UGT1A7: variants seen among roughly 807,000 people sequenced by gnomAD.
UGT1A7 encodes UDP-glucuronosyltransferase 1A7.
In UGT1A7, 33 loss-of-function variants were observed where a neutral mutation model predicts 45.6. That is an observed-to-expected ratio of 0.72 (90% confidence interval 0.55 to 0.97). The LOEUF (loss-of-function observed/expected upper bound fraction) is 0.97. UGT1A7 is among the 50% of genes least tolerant of loss of function. The pLI is 0.00. For synonymous variants in UGT1A7, 274 were observed against 250.6 expected, an observed-to-expected ratio of 1.09 and a Z score of -0.88; for missense variants, 684 against 666.2, an observed-to-expected ratio of 1.03 and a Z score of -0.29.
chr2:233,737,988 G>A (rs1334321954), intron 1 of UGT1A7, among the ~76,000 whole-genome samples: 1 of 152,024 alleles, frequency 6.6e-6, no homozygotes, highest in African/African-American at 2.4e-5. Context: ...GTTTGGCTCT[G>A]TGTCCCCCAC....
intron 1 of UGT1A7, among the ~76,000 whole-genome samples, chr2:233,735,969 A>C (rs1327406953): frequency 2.0e-5 from 3 of 152,092 alleles, no homozygotes; most frequent in Admixed American, 2.0e-4. Context: ...AACTTTGGTG[A>C]ATCTGACAAT....
chr2:233,725,392 C>A (rs1422562370), intron 1 of UGT1A7, among the ~76,000 whole-genome samples: 1 of 151,006 alleles, frequency 6.6e-6, no homozygotes, highest in African/African-American at 2.4e-5. Flanking sequence ...TAATAGGTTA[C>A]CTTGATGGTC....
chr2:233,733,686 T>A (rs1338920576), intron 1 of UGT1A7, among the ~76,000 whole-genome samples: 1 of 152,244 alleles, frequency 6.6e-6, no homozygotes, highest in African/African-American at 2.4e-5. Context: ...AACTTTTTGA[T>A]GTGCTGCTGG....
At chr2:233,745,164 A>G (rs2125868449) in intron 1 of UGT1A7, among the ~76,000 whole-genome samples, 1 of 151,968 alleles carries the variant, frequency 6.6e-6, no homozygotes, top group South Asian at 2.1e-4. Context: ...TCAAATGTGC[A>G]TGTTATTCAC....
chr2:233,743,852 G>C (rs770873874), intron 1 of UGT1A7: 2 of 1,367,108 alleles, frequency 1.5e-6, no homozygotes, highest in East Asian at 9.1e-5. Context: ...CTTGCGGTAC[G>C]CCTTCTTGAT....
chr2:233,743,217 C>A, intron 1 of UGT1A7: 2 of 409,784 alleles, frequency 4.9e-6, no homozygotes, highest in Non-Finnish European at 9.6e-6. Context: ...AGTAACTGCT[C>A]TTTGCTATTT....
At chr2:233,747,557 A>G (rs1485247055) in intron 1 of UGT1A7, 14 of 1,596,092 alleles carry the variant, frequency 8.8e-6, no homozygotes, top group Non-Finnish European at 8.6e-6. Flanking sequence ...AAAGTATGGC[A>G]ATTTTGAAAA....
chr2:233,704,581 CAGAG>C (rs563313301), intron 1 of UGT1A7, among the ~76,000 whole-genome samples: 4 of 151,992 alleles, frequency 2.6e-5, no homozygotes, highest in African/African-American at 7.3e-5. Flanking sequence ...TTTCAAGAAT[CAGAG>C]AGAAGAAAGA....
chr2:233,718,871 G>T (rs1468501233), intron 1 of UGT1A7: 1 of 1,613,900 alleles, frequency 6.2e-7, no homozygotes, highest in Admixed American at 1.7e-5. Context: ...CAGGACTGCT[G>T]CTCCTCCTCA....
At chr2:233,717,985 CAG>C in intron 1 of UGT1A7, 1 of 441,518 alleles carries the variant, frequency 2.3e-6, no homozygotes, top group Non-Finnish European at 4.5e-6. Flanking sequence ...AAGAGGAATT[CAG>C]ACTGTGCAAG....
At chr2:233,725,607 T>C (rs2077462497) in intron 1 of UGT1A7, among the ~76,000 whole-genome samples, 1 of 152,174 alleles carries the variant, frequency 6.6e-6, no homozygotes, top group African/African-American at 2.4e-5. Context: ...TAGTTTTTTC[T>C]TGCTAAGTCT....
rs1436464703 is a variant in UGT1A7 at position 233,735,153 on chromosome 2, C to G, written c.856-31881C>G. Among the ~76,000 whole-genome samples the G allele has an allele frequency of 3.9e-5, 6 of 152,130 alleles. No individual in the cohort carries two copies. In the East Asian group the frequency reaches 1.2e-3, roughly 29 times the overall value. ...ATTATTATTGTGTGGGAGTCTAAGT[C>G]TCTGTGTAGGTCTCTAAGAACTTGC... On this transcript the variant is annotated intron_variant, in intron 1 of 4. Coordinates refer to ENST00000373426, the MANE Select transcript of UGT1A7 (RefSeq NM_019077.3).
chr2:233,772,866 T>C lies in UGT1A7; in HGVS notation c.*307T>C. ...TTTTCTTACTCTGAAACATGGCCTGTTTGGGAGTGCGGGATTCAAAGGTGG... is the reference window on the plus strand; with the variant it reads ...TTTTCTTACTCTGAAACATGGCCTGCTTGGGAGTGCGGGATTCAAAGGTGG... On this transcript the variant is annotated 3_prime_UTR_variant, in exon 5 of 5. Transcript: ENST00000373426. 1 of 650,978 alleles carries C rather than the reference T, an allele frequency of 1.5e-6. No homozygotes were observed. The highest frequency in any genetic ancestry group is 2.3e-6 in the Non-Finnish European group (1 of 438,192). 40.3% of individuals were successfully genotyped at this position (650,978 alleles called of 1,614,324 possible). A position where few individuals can be genotyped will look rare whatever the true frequency, so the allele number is the denominator to read the frequency against.
At chr2:233,715,102 T>C (rs1462958719) in intron 1 of UGT1A7, among the ~76,000 whole-genome samples, 2 of 152,140 alleles carry the variant, frequency 1.3e-5, no homozygotes, top group East Asian at 3.9e-4. Context: ...GCCAGGCTGA[T>C]CTCAAATGCC....
rs575340312 is a variant in UGT1A7, at chr2:233,701,661, A to G, written c.855+18869A>G. ...CAAACTGTCTCTCAGACCACAGTGC[A>G]ATCAAACTAGAACTCAGAATTAAGA... On this transcript the variant is annotated intron_variant, in intron 1 of 4. Transcript: ENST00000373426. Among the ~76,000 whole-genome samples, 9 of 152,370 alleles carry G rather than the reference A, an allele frequency of 5.9e-5. No homozygotes were observed. The East Asian group carries it at 1.3e-3, about 23-fold the overall frequency.
chr2:233,705,440 G>A (rs72986482), intron 1 of UGT1A7, among the ~76,000 whole-genome samples: 3,401 of 152,250 alleles, frequency 0.022, 46 homozygotes, highest in Middle Eastern at 0.041. Flanking sequence ...TTATCCTTCA[G>A]AATTGCACAT....
At chr2:233,755,091 T>C (rs747522597) in intron 1 of UGT1A7, 2 of 1,335,830 alleles carry the variant, frequency 1.5e-6, no homozygotes, top group East Asian at 4.6e-5. Flanking sequence ...ATCGCGTTTC[T>C]ACGCGTCCGA....
intron 1 of UGT1A7, chr2:233,713,632 T>G: frequency 3.1e-6 from 5 of 1,613,964 alleles, no homozygotes; most frequent in Non-Finnish European, 3.4e-6. Flanking sequence ...GTCAAGAACA[T>G]GCTCTACCCT....
chr2:233,726,720 A>G (rs1047156507), intron 1 of UGT1A7, among the ~76,000 whole-genome samples: 16 of 152,220 alleles, frequency 1.1e-4, no homozygotes, highest in African/African-American at 3.4e-4. Context: ...AGGAAGTACA[A>G]TGTAGATACT....
Sources: allele counts gnomAD v4.1 joint callset (sites outside exome capture counted in the v4.1 genomes callset), GRCh38; gene constraint gnomAD v4.1.1; transcripts MANE v1.5; gene names NCBI Gene and HGNC (gene_info 2026-07-23, HGNC 2026-07-21).